The following PLEKHA1 variants were observed in gnomAD, a reference collection of about 807,000 sequenced individuals.
The protein encoded by PLEKHA1 is pleckstrin homology domain-containing family A member 1.
A neutral mutation model predicts 52.0 loss-of-function variants in PLEKHA1; 34 were observed. The observed-to-expected ratio is 0.65, with a 90% confidence interval of 0.50 to 0.87. PLEKHA1 has a LOEUF of 0.87. Among genes scored for constraint, PLEKHA1 ranks in the 40% least tolerant of loss-of-function variants. The probability of loss-of-function intolerance (pLI) is 0.00; values close to 1 mark genes in which losing one functional copy is unlikely to be tolerated. For synonymous variants in PLEKHA1, 163 were observed against 170.7 expected (o/e 0.95, Z 0.35); for missense variants, 497 against 504.2 (o/e 0.99, Z 0.14).
chr10:122,394,063 T>C (rs2096813355), intron 2 of PLEKHA1, among the ~76,000 whole-genome samples: 1 of 148,362 alleles, frequency 6.7e-6, no homozygotes, highest in African/African-American at 2.5e-5. Flanking sequence ...CTTTCAACTT[T>C]CTCTACTTTT....
chr10:122,397,869 T>C (rs41306858), intron 2 of PLEKHA1, 49 bp from the exon 3 acceptor site: 90,853 of 1,355,650 alleles, frequency 0.067, 3,560 homozygotes, highest in East Asian at 0.15. Context: ...TATTATAAAA[T>C]GAATTCATAA....
intron 11 of PLEKHA1, among the ~76,000 whole-genome samples, chr10:122,428,898 T>A (rs181364707): frequency 6.6e-6 from 1 of 152,332 alleles, no homozygotes; most frequent in African/African-American, 2.4e-5. Context: ...TATTTTCAGA[T>A]TTGATCTAGT....
downstream of PLEKHA1, chr10:122,434,386 A>G (rs1421244491): frequency 2.0e-5 from 3 of 152,104 alleles, no homozygotes; most frequent in African/African-American, 7.2e-5. Context: ...GTCTGAATAT[A>G]ATGGCTGTCT....
chr10:122,396,539 A>G (rs1182238433), intron 2 of PLEKHA1, among the ~76,000 whole-genome samples: 2 of 152,086 alleles, frequency 1.3e-5, no homozygotes, highest in African/African-American at 4.8e-5. Flanking sequence ...TAGGTGTGAA[A>G]GTTTTTAAAA....
At chr10:122,412,424 A>G (rs2133045872) in intron 5 of PLEKHA1, 1 of 152,912 alleles carries the variant, frequency 6.5e-6, no homozygotes, top group South Asian at 2.1e-4. Flanking sequence ...AAGACTGAAT[A>G]TGCCACAATC....
rs570064895 is a variant in PLEKHA1, at chr10:122,394,398, A to G, written c.141+1057A>G. Among the ~76,000 whole-genome samples the G allele has an allele frequency of 8.5e-5, 13 of 152,216 alleles. No homozygotes were observed. The East Asian group carries it at 1.7e-3, about 20-fold the overall frequency. ...GCCTTTTGGAACTTTTTATCTTCAAATAAAAATTGGTGTAGAAGTTAAAAA... is the reference window on the plus strand; with the variant it reads ...GCCTTTTGGAACTTTTTATCTTCAAGTAAAAATTGGTGTAGAAGTTAAAAA... On this transcript the variant is annotated intron_variant, in intron 2 of 11. Coordinates refer to ENST00000368990, the MANE Select transcript of PLEKHA1 (RefSeq NM_001001974.4).
chr10:122,383,313 G>GTTTTTTTTTTTTTTTTTTTTTT (rs58485855), intron 1 of PLEKHA1, among the ~76,000 whole-genome samples: 2 of 128,392 alleles, frequency 1.6e-5, no homozygotes, highest in African/African-American at 2.9e-5. Context: ...CTTTCTTTCT[G>GTTTTTTTTTTTTTTTTTTTTTT]TTTTTTTTTT....
At chr10:122,395,357 A>G (rs1176983977) in intron 2 of PLEKHA1, among the ~76,000 whole-genome samples, 2 of 152,108 alleles carry the variant, frequency 1.3e-5, no homozygotes, top group Non-Finnish European at 2.9e-5. Context: ...GGAAATCTTG[A>G]TTCTGCCAGC....
intron 1 of PLEKHA1, among the ~76,000 whole-genome samples, chr10:122,384,629 G>T (rs969266036): frequency 5.9e-5 from 8 of 135,030 alleles, no homozygotes; most frequent in Non-Finnish European, 1.3e-4. Flanking sequence ...AAAAAAAAAT[G>T]ACTTGTAGTC....
intron 4 of PLEKHA1, 144 bp from the exon 5 acceptor site, chr10:122,406,432 A>G: frequency 1.5e-6 from 1 of 668,810 alleles, no homozygotes; most frequent in Non-Finnish European, 2.7e-6. Context: ...GTGTGATAAA[A>G]GCTGTATTAC....
chr10:122,387,464 AC>A (rs1178223925), intron 1 of PLEKHA1: 2 of 152,202 alleles, frequency 1.3e-5, no homozygotes, highest in African/African-American at 4.8e-5. Flanking sequence ...CATCTATAGC[AC>A]TAAAAACCAA....
downstream of PLEKHA1, chr10:122,434,258 G>A (rs2097430039): frequency 6.6e-6 from 1 of 152,094 alleles, no homozygotes; most frequent in Admixed American, 6.5e-5. Context: ...GACACATTTT[G>A]TCCATTTTTG....
rs1285790877 is a variant in PLEKHA1 at position 122,424,949 on chromosome 10, TC to T, written c.801del (p.Tyr268MetfsTer22). ...LFEIVTTSRTFYVQADSPEEM... is the reference protein window; with the variant it reads ...LFEIVTTSRTXYVQADSPEEM... ...GAAATTGTAACAACGTCTCGAACTT[TC>T]TATGTGCAGGTAAGATGCTTATTTG... On this transcript the variant is annotated frameshift_variant, in exon 10 of 12. Coordinates refer to ENST00000368990, the MANE Select transcript of PLEKHA1 (RefSeq NM_001001974.4). LOFTEE classifies it high-confidence loss of function. 1 of 1,608,946 alleles carries T rather than the reference TC, an allele frequency of 6.2e-7. No homozygotes were observed. The highest frequency in any genetic ancestry group is 1.3e-5 in the African/African-American group (1 of 74,726).
intron 5 of PLEKHA1, among the ~76,000 whole-genome samples, chr10:122,408,573 T>G (rs1204113177): frequency 6.6e-6 from 1 of 152,140 alleles, no homozygotes; most frequent in Non-Finnish European, 1.5e-5. Context: ...CTTAATAAAG[T>G]GGTTATAACT....
At chr10:122,416,708 A>G (rs548086809) in intron 7 of PLEKHA1, among the ~76,000 whole-genome samples, 10 of 152,308 alleles carry the variant, frequency 6.6e-5, no homozygotes, top group African/African-American at 2.2e-4. Flanking sequence ...TATCTAAGCC[A>G]TTCTTTCTAT....
In PLEKHA1 at chr10:122,429,870, G is replaced by T; in HGVS notation, c.1147G>T (p.Gly383Cys). The T allele has an allele frequency of 3.1e-6, 5 of 1,614,142 alleles. No individual in the cohort carries two copies. The highest frequency in any genetic ancestry group is 4.2e-6 in the Non-Finnish European group (5 of 1,180,026). ...QALLRPQSKN[G>C]PQEKDCDLVD... is the part of the protein sequence containing the mutation. ...TCTGTTAAGACCTCAAAGTAAAAAT[G>T]GCCCTCAGGAAAAAGATTGTGACCT... Residue 383 changes from glycine (G) to cysteine (C), a missense_variant, in exon 12 of 12, where the codon GGC becomes TGC. Gly to Cys is a radical substitution (Grantham distance 159). Transcript: ENST00000368990.
chr10:122,412,886 G>A lies in PLEKHA1; in HGVS notation c.343-34G>A, dbSNP rs766902089. On this transcript the variant is annotated intron_variant, in intron 5 of 11. Transcript: ENST00000368990. ...AAACAGGTTCACATGTATAATGCTG[G>A]TTGCAAAATGATTCATTTTATTTAC... 19 of 1,609,536 alleles carry A rather than the reference G, an allele frequency of 1.2e-5. No homozygotes were observed. The South Asian group carries it at 2.0e-4, about 17-fold the overall frequency.
intron 1 of PLEKHA1, among the ~76,000 whole-genome samples, chr10:122,380,207 A>G (rs1453446654): frequency 6.6e-6 from 1 of 152,250 alleles, no homozygotes; most frequent in Non-Finnish European, 1.5e-5. Context: ...TGATGCAGTA[A>G]TTATGGGTTA....
chr10:122,415,449 G>A (rs1023523194), intron 6 of PLEKHA1, among the ~76,000 whole-genome samples: 1 of 152,180 alleles, frequency 6.6e-6, no homozygotes, highest in Non-Finnish European at 1.5e-5. Context: ...TAAAACTGGT[G>A]GAATCCGAAT....
Sources: gnomAD v4.1 joint callset for allele counts (sites outside exome capture counted in the v4.1 genomes callset) on GRCh38, gnomAD v4.1.1 for gene constraint, MANE v1.5 for transcripts, NCBI Gene and HGNC (gene_info 2026-07-23, HGNC 2026-07-21) for gene names.